Variants in ZNF776 observed in about 807,000 individuals in gnomAD.
The protein encoded by ZNF776 is zinc finger protein 776.
In ZNF776, 4 loss-of-function variants were observed where a neutral mutation model predicts 7.0. The observed-to-expected ratio is 0.57, with a 90% CI of 0.28 to 1.31. ZNF776 has a LOEUF of 1.31. ZNF776 is among the 50% of genes most tolerant of loss of function. The probability of loss-of-function intolerance (pLI) is 0.10; values close to 1 mark genes in which losing one functional copy is unlikely to be tolerated. For missense variants in ZNF776, 555 were observed against 625.9 expected (o/e 0.89, Z 1.21); for synonymous variants, 212 against 213.7 (o/e 0.99, Z 0.07).
Position 57,750,819 on chromosome 19 carries a change from T to C in ZNF776, c.68T>C (p.Phe23Ser). 1 of 1,613,134 alleles carries C rather than the reference T, an allele frequency of 6.2e-7. No individual in the cohort carries two copies. The highest frequency in any genetic ancestry group is 2.2e-5 in the East Asian group (1 of 44,838). The change falls in exon 2 of 3, where the codon TTT becomes TCT. Residue 23 changes from phenylalanine to serine, a missense_variant. Physicochemically the swap from Phe to Ser is radical, Grantham distance 155. Coordinates refer to ENST00000317178, the MANE Select transcript of ZNF776 (RefSeq NM_173632.4). ...TVTFEDVAVNFSQEEWSLLSE... is the reference protein window; with the variant it reads ...TVTFEDVAVNSSQEEWSLLSE... Reference sequence around the variant, plus strand: ...ACCTTTGAAGATGTGGCTGTGAACTTTTCCCAGGAGGAATGGAGTCTCCTT... The same window carrying C: ...ACCTTTGAAGATGTGGCTGTGAACTCTTCCCAGGAGGAATGGAGTCTCCTT...
rs1986729592 is a variant in ZNF776 at position 57,754,816 on chromosome 19, A to G, written c.*129A>G. 2.2e-6 allele frequency: 2 copies of G among 903,132 alleles called. No homozygotes were observed. Among genetic ancestry groups the G allele is most frequent in the Non-Finnish European group, 3.3e-6 (2 of 600,160 alleles). The allele number at this position is 903,132 out of a possible 1,614,324, so 55.9% of individuals were successfully genotyped here. Reference sequence around the variant, plus strand: ...CAAAAGGTTGGCCTCATTCAACAATAGCAAGATCACACTGGGGAAAGGCTT... The same window carrying G: ...CAAAAGGTTGGCCTCATTCAACAATGGCAAGATCACACTGGGGAAAGGCTT... On this transcript the variant is annotated 3_prime_UTR_variant, in exon 3 of 3. Coordinates refer to ENST00000317178, the MANE Select transcript of ZNF776 (RefSeq NM_173632.4).
At chr19:57,747,219 A>G (rs1173315694) in intron 1 of ZNF776, 128 bp downstream of exon 1, 9 of 1,017,394 alleles carry the variant, frequency 8.8e-6, no homozygotes, top group African/African-American at 6.5e-5. Context: ...GGCGCTCTCT[A>G]TGGGCCCCCG....
In ZNF776 at chr19:57,755,687, T is replaced by A. The variant is rs1986757319; in HGVS notation, c.*1000T>A. 1 of 152,234 alleles carries A rather than the reference T, an allele frequency of 6.6e-6. No homozygotes were observed. Among genetic ancestry groups the A allele is most frequent in the Admixed American group, 6.5e-5 (1 of 15,282 alleles). 9.4% of individuals were successfully genotyped at this position (152,234 alleles called of 1,614,324 possible). ...TCATATGTCCAGTAGCTGCATAAATTCCAGGTATATGGGAGCTGTATTGCA... is the reference window on the plus strand; with the variant it reads ...TCATATGTCCAGTAGCTGCATAAATACCAGGTATATGGGAGCTGTATTGCA... On this transcript the variant is annotated 3_prime_UTR_variant, in exon 3 of 3. Coordinates refer to ENST00000317178, the MANE Select transcript of ZNF776 (RefSeq NM_173632.4).
Position 57,746,859 on chromosome 19 carries a change from C to T in ZNF776, c.-200C>T. 4.3e-6 allele frequency: 2 copies of T among 467,608 alleles called. No individual in the cohort carries two copies. The highest frequency in any genetic ancestry group is 4.5e-5 in the South Asian group (1 of 22,216). The allele number at this position is 467,608 out of a possible 1,614,324, so 29.0% of individuals were successfully genotyped here. A position where few individuals can be genotyped will look rare whatever the true frequency, so the allele number is the denominator to read the frequency against. On this transcript the variant is annotated 5_prime_UTR_variant, in exon 1 of 3. Transcript: ENST00000317178. Reference sequence around the variant, plus strand: ...GTTGGGTGTATTTTCCAGTGAGAGACCGCGGAGTGTTGGGTCGTGTAGAAG... The same window carrying T: ...GTTGGGTGTATTTTCCAGTGAGAGATCGCGGAGTGTTGGGTCGTGTAGAAG...
Position 57,753,613 on chromosome 19 carries a change from T to C in ZNF776, c.483T>C (p.His161=). The C allele has an allele frequency of 5.0e-6, 8 of 1,614,140 alleles. No individual in the cohort carries two copies. The highest frequency in any genetic ancestry group is 6.8e-6 in the Non-Finnish European group (8 of 1,179,996). ...AGAACTGTAAATTCCATATGTCACA[T>C]GAGCCATTTATCTTTCATGAGGTTG... ...FVKNCKFHMS[H]EPFIFHEVGK... is the part of the protein sequence containing the mutation. The change falls in exon 3 of 3, where the codon CAT becomes CAC. Residue 161 remains histidine (H), a synonymous_variant. Coordinates refer to ENST00000317178, the MANE Select transcript of ZNF776 (RefSeq NM_173632.4).
At chr19:57,748,845 A>G (rs1986519241) in intron 1 of ZNF776, among the ~76,000 whole-genome samples, 1 of 152,106 alleles carries the variant, frequency 6.6e-6, no homozygotes, top group Admixed American at 6.5e-5. Flanking sequence ...TGTGCAATCA[A>G]GATTTGAGAT....
chr19:57,751,685 T>G lies in ZNF776; in HGVS notation c.160+774T>G, dbSNP rs562354976. ...CCTGAGTATTTTTTGCTTTTTTGTT[T>G]TTTTTTTTTTCAGACAGGGTTTCAC... is the stretch of plus-strand genomic sequence containing the variant. On this transcript the variant is annotated intron_variant, in intron 2 of 2. Coordinates refer to ENST00000317178, the MANE Select transcript of ZNF776 (RefSeq NM_173632.4). 1.2e-4 allele frequency among the ~76,000 whole-genome samples: 18 copies of G among 151,120 alleles called. No homozygotes were observed. In the East Asian group the frequency reaches 3.3e-3, roughly 28 times the overall value.
Position 57,753,576 on chromosome 19 carries a change from C to T in ZNF776, c.446C>T (p.Thr149Ile). 6.2e-7 allele frequency: 1 copy of T among 1,614,244 alleles called. No individual in the cohort carries two copies. The highest frequency in any genetic ancestry group is 2.2e-5 in the East Asian group (1 of 44,890). ...EKSYRSNAKG[T>I]SFVKNCKFHM... The stretch of plus-strand genomic sequence containing the variant: ...TCGTACAGAAGCAATGCCAAGGGAA[C>T]ATCTTTTGTAAAGAACTGTAAATTC... Residue 149 changes from threonine to isoleucine, a missense_variant, in exon 3 of 3, where the codon ACA becomes ATA. By Grantham distance (89) the Thr-to-Ile change is moderately conservative (BLOSUM62 -1). Coordinates refer to ENST00000317178, the MANE Select transcript of ZNF776 (RefSeq NM_173632.4).
At position 57,753,478 on chromosome 19, in the gene ZNF776, T is replaced by C. The variant is rs1275492861; in HGVS notation, c.348T>C (p.Phe116=). The change falls in exon 3 of 3, where the codon TTT becomes TTC. Residue 116 remains phenylalanine (F), a synonymous_variant. Coordinates refer to ENST00000317178, the MANE Select transcript of ZNF776 (RefSeq NM_173632.4). ...AACACAATCAGAAATTGAATGGGTT[T>C]GGGGCATATGAAAAAAAATTGGATG... ...GTQHNQKLNG[F]GAYEKKLDDD... The C allele has an allele frequency of 6.2e-7, 1 of 1,614,122 alleles. No homozygotes were observed.
chr19:57,752,868 T>C (rs1986646851), intron 2 of ZNF776, among the ~76,000 whole-genome samples: 2 of 152,240 alleles, frequency 1.3e-5, no homozygotes, highest in Admixed American at 1.3e-4. Context: ...AGCTGCTTTG[T>C]TGTACTCGTA....
In ZNF776 at chr19:57,754,487, A is replaced by T. The variant is rs879100419; in HGVS notation, c.1357A>T (p.Ile453Phe). ...GGGCAGTCTCATTCAACATCAGCAG[A>T]TCCACTCTGGAGAAAGGCCACATGA... ...QKGSLIQHQQ[I>F]HSGERPHECG... Residue 453 changes from isoleucine (I) to phenylalanine (F), a missense_variant, in exon 3 of 3, where the codon ATC becomes TTC. Transcript: ENST00000317178. 1.2e-6 allele frequency: 2 copies of T among 1,613,748 alleles called. No individual in the cohort carries two copies. Among genetic ancestry groups the T allele is most frequent in the African/African-American group, 2.7e-5 (2 of 74,894 alleles).
chr19:57,756,917 G>A lies in ZNF776; in HGVS notation c.*2230G>A. 4.4e-6 allele frequency: 2 copies of A among 449,518 alleles called. No individual in the cohort carries two copies. Among genetic ancestry groups the A allele is most frequent in the South Asian group, 1.6e-5 (1 of 63,348 alleles). 27.8% of individuals were successfully genotyped at this position (449,518 alleles called of 1,614,324 possible). Reference sequence around the variant, plus strand: ...ACTCAGGCTGGAATACACTGGCATGGTCATACCTCACTGCGGCCTCAAACT... The same window carrying A: ...ACTCAGGCTGGAATACACTGGCATGATCATACCTCACTGCGGCCTCAAACT... On this transcript the variant is annotated 3_prime_UTR_variant, in exon 3 of 3. Coordinates refer to ENST00000317178, the MANE Select transcript of ZNF776 (RefSeq NM_173632.4).
chr19:57,750,782 C>G lies in ZNF776; in HGVS notation c.34-3C>G. 1 of 1,610,444 alleles carries G rather than the reference C, an allele frequency of 6.2e-7. No individual in the cohort carries two copies. The highest frequency in any genetic ancestry group is 8.5e-7 in the Non-Finnish European group (1 of 1,177,834). On this transcript the variant is annotated splice_polypyrimidine_tract_variant and splice_region_variant and intron_variant, in intron 1 of 2. Coordinates refer to ENST00000317178, the MANE Select transcript of ZNF776 (RefSeq NM_173632.4). ...GTGGTTTCATCTGTCATCATCACGG[C>G]AGGGCACTGTGACCTTTGAAGATGT...
At position 57,755,669 on chromosome 19, in the gene ZNF776, T is replaced by A. The variant is rs889126862; in HGVS notation, c.*982T>A. The A allele has an allele frequency of 3.3e-5, 5 of 152,234 alleles. No individual in the cohort carries two copies. Among genetic ancestry groups the A allele is most frequent in the African/African-American group, 1.2e-4 (5 of 41,472 alleles). The allele number at this position is 152,234 out of a possible 1,614,324, so 9.4% of individuals were successfully genotyped here. On this transcript the variant is annotated 3_prime_UTR_variant, in exon 3 of 3. Coordinates refer to ENST00000317178, the MANE Select transcript of ZNF776 (RefSeq NM_173632.4). ...ATCAACCTATATTGAATGTCATATG[T>A]CCAGTAGCTGCATAAATTCCAGGTA...
rs767057189 is a variant in ZNF776 at position 57,750,809 on chromosome 19, G to A, written c.58G>A (p.Ala20Thr). ...AQGTVTFEDV[A>T]VNFSQEEWSL... is the part of the protein sequence containing the mutation. ...GGGCACTGTGACCTTTGAAGATGTGGCTGTGAACTTTTCCCAGGAGGAATG... is the reference window on the plus strand; with the variant it reads ...GGGCACTGTGACCTTTGAAGATGTGACTGTGAACTTTTCCCAGGAGGAATG... Residue 20 changes from alanine (A) to threonine (T), a missense_variant, in exon 2 of 3, where the codon GCT becomes ACT. By Grantham distance (58) the Ala-to-Thr change is moderately conservative. Coordinates refer to ENST00000317178, the MANE Select transcript of ZNF776 (RefSeq NM_173632.4). 12 of 1,612,854 alleles carry A rather than the reference G, an allele frequency of 7.4e-6. No homozygotes were observed. Among genetic ancestry groups the A allele is most frequent in the Non-Finnish European group, 1.0e-5 (12 of 1,179,212 alleles).
chr19:57,754,062 A>G lies in ZNF776; in HGVS notation c.932A>G (p.Gln311Arg). The G allele has an allele frequency of 6.2e-7, 1 of 1,614,082 alleles. No individual in the cohort carries two copies. The highest frequency in any genetic ancestry group is 8.5e-7 in the Non-Finnish European group (1 of 1,180,012). Residue 311 changes from glutamine to arginine, a missense_variant, in exon 3 of 3, where the codon CAG becomes CGG. Gln to Arg is a conservative substitution (Grantham distance 43, BLOSUM62 1). Coordinates refer to ENST00000317178, the MANE Select transcript of ZNF776 (RefSeq NM_173632.4). ...FSHKHSLVDH[Q>R]RVHTGERPYE... The stretch of plus-strand genomic sequence containing the variant: ...CATAAGCACAGTCTTGTTGACCATC[A>G]GCGAGTTCACACTGGAGAAAGACCT...
intron 2 of ZNF776, among the ~76,000 whole-genome samples, chr19:57,751,668 T>C (rs1986605532): frequency 6.6e-6 from 1 of 151,254 alleles, no homozygotes; most frequent in South Asian, 2.1e-4. Flanking sequence ...GCCCTGAGTA[T>C]TTTTTGCTTT....
At position 57,754,934 on chromosome 19, in the gene ZNF776, T is replaced by A. The variant is rs1474412943; in HGVS notation, c.*247T>A. On this transcript the variant is annotated 3_prime_UTR_variant, in exon 3 of 3. Coordinates refer to ENST00000317178, the MANE Select transcript of ZNF776 (RefSeq NM_173632.4). ...ACACTGGAGAAAGACCCTATAGTTA[T>A]GGGGAATTTGGGAAATTACCTAACA... 1 of 508,652 alleles carries A rather than the reference T, an allele frequency of 2.0e-6. No homozygotes were observed. Among genetic ancestry groups the A allele is most frequent in the East Asian group, 3.4e-5 (1 of 29,648 alleles). 31.5% of individuals were successfully genotyped at this position (508,652 alleles called of 1,614,324 possible). A position where few individuals can be genotyped will look rare whatever the true frequency, so the allele number is the denominator to read the frequency against.
intron 1 of ZNF776, among the ~76,000 whole-genome samples, chr19:57,750,202 T>C (rs896609334): frequency 2.0e-5 from 3 of 151,058 alleles, no homozygotes; most frequent in African/African-American, 7.3e-5. Context: ...GGTGGGTGAA[T>C]CACTTGAGCT....
Sources: gnomAD v4.1 joint callset for allele counts (sites outside exome capture counted in the v4.1 genomes callset) on GRCh38, gnomAD v4.1.1 for gene constraint, MANE v1.5 for transcripts, NCBI Gene and HGNC (gene_info 2026-07-23, HGNC 2026-07-21) for gene names.